AKAP12: variants seen among roughly 807,000 people sequenced by gnomAD.
AKAP12 encodes A-kinase anchoring protein 12.
A neutral mutation model predicts 79.9 loss-of-function variants in AKAP12; 32 were observed. The ratio of observed to expected loss-of-function variants is 0.40; its 90% CI spans 0.30 to 0.54. AKAP12 has a LOEUF of 0.54. Among genes scored for constraint, AKAP12 ranks in the 20% least tolerant of loss-of-function variants. AKAP12 has a pLI of 0.48. For missense variants in AKAP12, 2,074 were observed against 2,177.0 expected (o/e 0.95, Z 0.94); for synonymous variants, 808 against 857.0 (o/e 0.94, Z 1.00).
At chr6:151,254,908 G>A (rs1943712529) in intron 2 of AKAP12, among the ~76,000 whole-genome samples, 2 of 152,172 alleles carry the variant, frequency 1.3e-5, no homozygotes, top group South Asian at 2.1e-4. Context: ...AGTATTCAGG[G>A]AAGTAGGTCA....
chr6:151,316,822 G>T (rs1777246766), intron 3 of AKAP12, among the ~76,000 whole-genome samples: 1 of 152,036 alleles, frequency 6.6e-6, no homozygotes, highest in Non-Finnish European at 1.5e-5. Context: ...GTAGAGACGG[G>T]GTTCTACTCT....
rs375928066 is a variant in AKAP12, at chr6:151,305,176, T to G, written c.163-571T>G. ...CCAGCCTCAGTCAGGGCTGTTTTTTTTTTTTTTTTTAAAACCTACTTGATT... is the reference window on the plus strand; with the variant it reads ...CCAGCCTCAGTCAGGGCTGTTTTTTGTTTTTTTTTTAAAACCTACTTGATT... On this transcript the variant is annotated intron_variant, in intron 2 of 4. Coordinates refer to ENST00000402676, the MANE Select transcript of AKAP12 (RefSeq NM_005100.4). Among the ~76,000 whole-genome samples, 184 of 151,956 alleles carry G rather than the reference T, an allele frequency of 1.2e-3. 1 individual carries two copies. Among genetic ancestry groups the G allele is most frequent in the East Asian group, 8.5e-3 (44 of 5,170 alleles).
intron 3 of AKAP12, among the ~76,000 whole-genome samples, chr6:151,310,301 GT>G (rs1303853614): frequency 6.6e-6 from 1 of 151,952 alleles, no homozygotes; most frequent in Non-Finnish European, 1.5e-5. Flanking sequence ...GAGGCGGAGG[GT>G]GCAGTGAGCT....
intron 2 of AKAP12, among the ~76,000 whole-genome samples, chr6:151,278,090 A>G (rs1024663128): frequency 1.3e-5 from 2 of 152,228 alleles, no homozygotes; most frequent in Admixed American, 6.5e-5. Flanking sequence ...CACTTAAGGT[A>G]GTAGGTAAAA....
intron 3 of AKAP12, among the ~76,000 whole-genome samples, chr6:151,315,407 C>T (rs1362087004): frequency 6.6e-6 from 1 of 152,158 alleles, no homozygotes; most frequent in South Asian, 2.1e-4. Flanking sequence ...GGGCACTAAT[C>T]CCATTCATGA....
At chr6:151,254,305 CT>C (rs904678231) in intron 2 of AKAP12, among the ~76,000 whole-genome samples, 1 of 151,880 alleles carries the variant, frequency 6.6e-6, no homozygotes, top group African/African-American at 2.4e-5. Context: ...TTTGTAAAAC[CT>C]TCAGGAACTA....
chr6:151,295,572 C>T (rs1189381742), intron 2 of AKAP12, among the ~76,000 whole-genome samples: 2 of 152,126 alleles, frequency 1.3e-5, no homozygotes, highest in Non-Finnish European at 2.9e-5. Context: ...CAAGCACTGC[C>T]ATTTCAAACA....
intron 2 of AKAP12, among the ~76,000 whole-genome samples, chr6:151,251,365 T>G (rs1346467221): frequency 6.6e-6 from 1 of 151,950 alleles, no homozygotes; most frequent in Admixed American, 6.6e-5. Context: ...ATCCGCACAG[T>G]AAAGTGGTGG....
intron 2 of AKAP12, among the ~76,000 whole-genome samples, chr6:151,293,663 A>T (rs1776664595): frequency 6.6e-6 from 1 of 152,212 alleles, no homozygotes; most frequent in African/African-American, 2.4e-5. Context: ...TTAAATAACT[A>T]ATCAAGAGAA....
chr6:151,318,906 G>C (rs12203527), intron 3 of AKAP12, among the ~76,000 whole-genome samples: 62,168 of 152,002 alleles, frequency 0.41, 13,600 homozygotes, highest in African/African-American at 0.58. Context: ...CATTTACACT[G>C]TAGCCTGGGT....
rs146319821 is a variant in AKAP12, at chr6:151,316,885, G to A, written c.319+10982G>A. On this transcript the variant is annotated intron_variant, in intron 3 of 4. Transcript: ENST00000402676. ...ACTCCTGACCTCAAGTGATCAGCCC[G>A]CCTTGGCCTCTCAAAGTGCTGGGAT... 6.0e-3 allele frequency among the ~76,000 whole-genome samples: 910 copies of A among 152,212 alleles called. 13 individuals are homozygous for A. The highest frequency in any genetic ancestry group is 0.02 in the African/African-American group (827 of 41,532).
chr6:151,261,667 C>T (rs576863743), intron 2 of AKAP12, among the ~76,000 whole-genome samples: 1 of 151,640 alleles, frequency 6.6e-6, no homozygotes, highest in South Asian at 2.1e-4. Flanking sequence ...TGCCATTGCA[C>T]TCCAGCCTGT....
rs1364384846 is a variant in AKAP12 at position 151,353,040 on chromosome 6, T to C, written c.4649T>C (p.Val1550Ala). ...LELETKSSKL[V>A]QNIIQTAVDQ... ...CTTGAGACCAAAAGCAGTAAACTTG[T>C]CCAAAACATCATCCAGACAGCCGTT... Residue 1550 changes from valine to alanine, a missense_variant, in exon 4 of 5, where the codon GTC becomes GCC. Coordinates refer to ENST00000402676, the MANE Select transcript of AKAP12 (RefSeq NM_005100.4). 1 of 1,614,014 alleles carries C rather than the reference T, an allele frequency of 6.2e-7. No individual in the cohort carries two copies. Among genetic ancestry groups the C allele is most frequent in the East Asian group, 2.2e-5 (1 of 44,888 alleles).
In AKAP12 at chr6:151,350,889, C is replaced by T. The variant is rs1778265776; in HGVS notation, c.2498C>T (p.Pro833Leu). The T allele has an allele frequency of 1.2e-6, 2 of 1,614,044 alleles. No homozygotes were observed. Among genetic ancestry groups the T allele is most frequent in the African/African-American group, 1.3e-5 (1 of 74,984 alleles). ...QEQAPVEDAG[P>L]TGANEDDSDV... ...CAAGCCCCTGTTGAAGACGCAGGGC[C>T]AACAGGGGCCAACGAAGATGACTCT... Residue 833 changes from proline (P) to leucine (L), a missense_variant, in exon 4 of 5, where the codon CCA (proline) becomes CTA (leucine). Physicochemically the swap from Pro to Leu is moderately conservative, Grantham distance 98 (BLOSUM62 -3). Around this residue, in one of 3 missense-constraint regions of AKAP12, gnomAD observed 1,428 missense variants for 1,451.0 expected, o/e 0.98. Coordinates refer to ENST00000402676, the MANE Select transcript of AKAP12 (RefSeq NM_005100.4). This position sits in a 1 kb window ranked among gnomAD's most constrained non-coding sequence, Gnocchi z 4.8.
intron 2 of AKAP12, among the ~76,000 whole-genome samples, chr6:151,299,973 C>G (rs944482437): frequency 1.3e-5 from 2 of 152,092 alleles, no homozygotes; most frequent in African/African-American, 4.8e-5. Flanking sequence ...TATGTAATGC[C>G]ATATCTATTA....
chr6:151,321,272 C>T (rs1004532292), intron 3 of AKAP12, among the ~76,000 whole-genome samples: 3 of 152,170 alleles, frequency 2.0e-5, no homozygotes, highest in Non-Finnish European at 2.9e-5. Flanking sequence ...TAGGTGTGAG[C>T]CACCACACCT....
chr6:151,345,932 T>TGAGAGAGAGAGAGAGAGAGAGA lies in AKAP12; in HGVS notation c.320-2768_320-2747dup, dbSNP rs56202215. Among the ~76,000 whole-genome samples the TGAGAGAGAGAGAGAGAGAGAGA allele has an allele frequency of 1.1e-4, 11 of 101,440 alleles. 1 individual carries two copies. Among genetic ancestry groups the TGAGAGAGAGAGAGAGAGAGAGA allele is most frequent in the African/African-American group, 4.3e-4 (10 of 22,994 alleles). 66.5% of individuals were successfully genotyped at this position (101,440 alleles called of 152,430 possible). On this transcript the variant is annotated intron_variant, in intron 3 of 4. Transcript: ENST00000402676. The stretch of plus-strand genomic sequence containing the variant: ...GTGTGTGTGTGTGTGTGTGTGTGTG[T>TGAGAGAGAGAGAGAGAGAGAGA]GAGAGAGAGAGAGAGAGAGAGAGAG...
chr6:151,245,511 G>C (rs1036693514), intron 2 of AKAP12, among the ~76,000 whole-genome samples: 3 of 151,828 alleles, frequency 2.0e-5, no homozygotes, highest in Non-Finnish European at 2.9e-5. Flanking sequence ...TGGCCAGGCT[G>C]GTCTCAAACT....
At chr6:151,250,814 G>T (rs1797160249) in intron 2 of AKAP12, among the ~76,000 whole-genome samples, 1 of 151,866 alleles carries the variant, frequency 6.6e-6, no homozygotes, top group Admixed American at 6.6e-5. Flanking sequence ...CACCGTGTTA[G>T]CCAGGATGGT....
Sources: gnomAD v4.1 joint callset for allele counts (sites outside exome capture counted in the v4.1 genomes callset) on GRCh38, gnomAD v4.1.1 for gene constraint, gnomAD v4.1.1 regional missense constraint, Gnocchi (gnomAD v3.1) non-coding constraint, MANE v1.5 for transcripts, NCBI Gene and HGNC (gene_info 2026-07-23, HGNC 2026-07-21) for gene names.